The following AKAP3 variants were observed in gnomAD, a reference collection of about 807,000 sequenced individuals.
AKAP3 encodes the protein A-kinase anchoring protein 3.
AKAP3 carries 27 observed loss-of-function variants against 57.2 expected under a neutral mutation model. That is an observed-to-expected ratio of 0.47 (90% CI 0.35 to 0.65). The LOEUF (loss-of-function observed/expected upper bound fraction) is 0.65, where lower values mean the gene tolerates loss of function less well. Ranked by LOEUF, AKAP3 falls within the 30% of genes least tolerant of loss-of-function variation. The pLI, the probability that AKAP3 is intolerant of heterozygous loss-of-function variation, is 0.01. For missense variants in AKAP3, 959 were observed against 1,040.0 expected, an observed-to-expected ratio of 0.92 and a Z score of 1.07; for synonymous variants, 334 against 392.3, an observed-to-expected ratio of 0.85 and a Z score of 1.76.
chr12:4,647,684 G>A (rs539826018), intron 1 of AKAP3, among the ~76,000 whole-genome samples: 2 of 152,312 alleles, frequency 1.3e-5, no homozygotes, highest in Admixed American at 1.3e-4. Context: ...AGGAAAGTAT[G>A]TTAGTATCCA....
chr12:4,632,383 C>A (rs1053921591), intron 4 of AKAP3, among the ~76,000 whole-genome samples: 4 of 152,106 alleles, frequency 2.6e-5, no homozygotes, highest in Non-Finnish European at 4.4e-5. Context: ...CAATTATATA[C>A]CCCTCACCCT....
intron 4 of AKAP3, chr12:4,635,958 A>G: frequency 1.8e-6 from 2 of 1,089,016 alleles, no homozygotes; most frequent in Non-Finnish European, 2.8e-6. Context: ...TTGGGCCCAT[A>G]TTTCACAAAG....
intron 4 of AKAP3, among the ~76,000 whole-genome samples, chr12:4,637,163 C>G (rs1945576875): frequency 6.6e-6 from 1 of 152,216 alleles, no homozygotes; most frequent in Non-Finnish European, 1.5e-5. Context: ...ACAGTCAGGA[C>G]AGTGTCTGTG....
rs1945453570 is a variant in AKAP3 at position 4,628,387 on chromosome 12, C to G, written c.515G>C (p.Ser172Thr). The change falls in exon 5 of 6, where the codon AGT becomes ACT. Residue 172 changes from serine to threonine, a missense_variant. Coordinates refer to ENST00000228850, the MANE Select transcript of AKAP3 (RefSeq NM_001278309.2). ...ATTCACAAGCTCTGATGCTATCTTA[C>G]TGAGGCTTTTGGTGGGTGTGGGTTC... is the stretch of plus-strand genomic sequence containing the variant. Reference protein sequence around the residue: ...GNEPTPTKSLSKIASELVNET... With the variant: ...GNEPTPTKSLTKIASELVNET... The G allele has an allele frequency of 6.2e-7, 1 of 1,614,060 alleles. No individual in the cohort carries two copies. The highest frequency in any genetic ancestry group is 8.5e-7 in the Non-Finnish European group (1 of 1,180,018).
rs1350804814 is a variant in AKAP3 at position 4,628,001 on chromosome 12, T to C, written c.901A>G (p.Met301Val). Residue 301 changes from methionine (M) to valine (V), a missense_variant, in exon 5 of 6, where the codon ATG becomes GTG. Physicochemically the swap from Met to Val is conservative, Grantham distance 21. Coordinates refer to ENST00000228850, the MANE Select transcript of AKAP3 (RefSeq NM_001278309.2). Reference protein sequence around the residue: ...SVVSDMMVSIMKTLKIQVKDT... With the variant: ...SVVSDMMVSIVKTLKIQVKDT... ...TTCACTTGGATCTTCAGTGTCTTCA[T>C]GATGGAGACCATCATATCAGATACC... 1.2e-6 allele frequency: 2 copies of C among 1,613,978 alleles called. No individual in the cohort carries two copies. The highest frequency in any genetic ancestry group is 3.3e-5 in the Admixed American group (2 of 59,986).
chr12:4,639,615 C>A (rs1945611348), intron 3 of AKAP3, among the ~76,000 whole-genome samples: 1 of 150,208 alleles, frequency 6.7e-6, no homozygotes, highest in African/African-American at 2.4e-5. Flanking sequence ...TGTGATGTTC[C>A]CCGCCCTGTG....
At chr12:4,622,997 G>A (rs930240109) in intron 5 of AKAP3, among the ~76,000 whole-genome samples, 2 of 152,182 alleles carry the variant, frequency 1.3e-5, no homozygotes, top group South Asian at 2.1e-4. Flanking sequence ...GAAGACATAC[G>A]TGTGGCCAAC....
At chr12:4,636,153 G>A (rs901213771) in intron 4 of AKAP3, 7 of 683,976 alleles carry the variant, frequency 1.0e-5, no homozygotes, top group South Asian at 4.8e-5. Flanking sequence ...CTTGCGCCTC[G>A]ATTAGCCATG....
chr12:4,637,479 C>T (rs927399356), intron 4 of AKAP3, among the ~76,000 whole-genome samples: 1 of 152,140 alleles, frequency 6.6e-6, no homozygotes, highest in Non-Finnish European at 1.5e-5. Flanking sequence ...CTGCTTTCTG[C>T]ATTTGTTATT....
In AKAP3 at chr12:4,617,789, A is replaced by G. The variant is rs73257493; in HGVS notation, c.2407-1895T>C. Reference sequence around the variant, plus strand: ...AAAAAGTGTTTTAAGGTTGAAAGCAAAAGTAACATTGAGGGCTTTTTCAAA... The same window carrying G: ...AAAAAGTGTTTTAAGGTTGAAAGCAGAAGTAACATTGAGGGCTTTTTCAAA... On this transcript the variant is annotated intron_variant, in intron 5 of 5. Transcript: ENST00000228850. Among the ~76,000 whole-genome samples, 1,508 of 152,152 alleles carry G rather than the reference A, an allele frequency of 9.9e-3. 35 individuals are homozygous for G. The highest frequency in any genetic ancestry group is 0.034 in the African/African-American group (1,401 of 41,500).
chr12:4,636,004 G>A (rs76810345), intron 4 of AKAP3: 17,803 of 1,470,006 alleles, frequency 0.012, 816 homozygotes, highest in South Asian at 0.1. Flanking sequence ...TACCCCAATG[G>A]TACTCTCTTG....
chr12:4,628,883 T>C, intron 4 of AKAP3, 78 bp from the exon 5 acceptor site: 1 of 1,455,826 alleles, frequency 6.9e-7, no homozygotes, highest in Admixed American at 2.2e-5. Flanking sequence ...AAAGTTCAGT[T>C]ACAAATGTCA....
chr12:4,629,042 ATCT>A (rs1312413979), intron 4 of AKAP3, among the ~76,000 whole-genome samples: 2 of 152,216 alleles, frequency 1.3e-5, no homozygotes, highest in African/African-American at 4.8e-5. Context: ...CTCTCTTATT[ATCT>A]TCTTTTTACA....
At chr12:4,621,033 G>A (rs1399860777) in intron 5 of AKAP3, among the ~76,000 whole-genome samples, 1 of 152,122 alleles carries the variant, frequency 6.6e-6, no homozygotes, top group South Asian at 2.1e-4. Context: ...ACATGCAGAG[G>A]TGGAAGGCAA....
At chr12:4,618,323 C>T (rs1208147665) in intron 5 of AKAP3, among the ~76,000 whole-genome samples, 7 of 152,124 alleles carry the variant, frequency 4.6e-5, no homozygotes, top group Non-Finnish European at 1.0e-4. Flanking sequence ...CATTTATGGT[C>T]AATAGGATTT....
chr12:4,648,567 G>A (rs1945727171), intron 1 of AKAP3, 178 bp downstream of exon 1: 1 of 152,284 alleles, frequency 6.6e-6, no homozygotes, highest in Non-Finnish European at 1.5e-5. Context: ...GCAGGCGCAA[G>A]GGTCCCTATG....
In AKAP3 at chr12:4,627,251, C is replaced by A. The variant is rs370471973; in HGVS notation, c.1651G>T (p.Val551Phe). 6.2e-7 allele frequency: 1 copy of A among 1,613,910 alleles called. No individual in the cohort carries two copies. The highest frequency in any genetic ancestry group is 8.5e-7 in the Non-Finnish European group (1 of 1,179,988). ...AAGTTGGTGGTGCCAGCAGCTTCAACGAAGCTCCGTGCATCCCTTCTTCCT... is the reference window on the plus strand; with the variant it reads ...AAGTTGGTGGTGCCAGCAGCTTCAAAGAAGCTCCGTGCATCCCTTCTTCCT... ...QGGRRDARSF[V>F]EAAGTTNFPA... Residue 551 changes from valine (V) to phenylalanine (F), a missense_variant, in exon 5 of 6, where the codon GTT becomes TTT. Coordinates refer to ENST00000228850, the MANE Select transcript of AKAP3 (RefSeq NM_001278309.2).
At position 4,628,041 on chromosome 12, in the gene AKAP3, G is replaced by A. The variant is rs1422666501; in HGVS notation, c.861C>T (p.Thr287=). The change falls in exon 5 of 6, where the codon ACC becomes ACT. Residue 287 remains threonine (T), a synonymous_variant. Coordinates refer to ENST00000228850, the MANE Select transcript of AKAP3 (RefSeq NM_001278309.2). Reference sequence around the variant, plus strand: ...TATCAGATACCACACTGTTAGCATAGGTCATGATCCCTTCACTAACAGAAG... The same window carrying A: ...TATCAGATACCACACTGTTAGCATAAGTCATGATCCCTTCACTAACAGAAG... The part of the protein sequence containing the change: ...FTASVSEGIM[T]YANSVVSDMM... The A allele has an allele frequency of 1.2e-5, 19 of 1,613,974 alleles. No individual in the cohort carries two copies. The highest frequency in any genetic ancestry group is 1.7e-5 in the Admixed American group (1 of 59,988).
rs74060086 is a variant in AKAP3 at position 4,640,251 on chromosome 12, C to T, written c.-1+1648G>A. 1.9e-3 allele frequency among the ~76,000 whole-genome samples: 292 copies of T among 152,300 alleles called. 1 individual carries two copies. The highest frequency in any genetic ancestry group is 6.9e-3 in the African/African-American group (288 of 41,564). The stretch of plus-strand genomic sequence containing the variant: ...ATTATCAAGGTGGAATAAGATAGCC[C>T]ATTTCTCCTCCCCAATGCCTCAGAC... On this transcript the variant is annotated intron_variant, in intron 3 of 5. Coordinates refer to ENST00000228850, the MANE Select transcript of AKAP3 (RefSeq NM_001278309.2).
Sources: allele counts gnomAD v4.1 joint callset (sites outside exome capture counted in the v4.1 genomes callset), GRCh38; gene constraint gnomAD v4.1.1; transcripts MANE v1.5; gene names NCBI Gene and HGNC (gene_info 2026-07-23, HGNC 2026-07-21).